The following RABEPK variants were observed in gnomAD, a reference collection of about 807,000 sequenced individuals.
RABEPK encodes Rab9 effector protein with kelch motifs.
In RABEPK, 27 loss-of-function variants were observed where a neutral mutation model predicts 34.1. The observed-to-expected ratio is 0.79, with a 90% CI of 0.58 to 1.09. RABEPK has a LOEUF of 1.09. Ranked by LOEUF, RABEPK falls within the 50% of genes least tolerant of loss-of-function variation. The pLI, the probability that RABEPK is intolerant of heterozygous loss-of-function variation, is 0.00. For synonymous variants in RABEPK, 172 were observed against 169.2 expected, an observed-to-expected ratio of 1.02 and a Z score of -0.13; for missense variants, 449 against 462.6, an observed-to-expected ratio of 0.97 and a Z score of 0.27.
chr9:125,212,889 C>T (rs1228389696), intron 3 of RABEPK, among the ~76,000 whole-genome samples: 1 of 149,730 alleles, frequency 6.7e-6, no homozygotes, highest in Non-Finnish European at 1.5e-5. Context: ...AGGATGGATT[C>T]GATCTCCTGA....
chr9:125,205,779 C>T (rs1258581585), intron 2 of RABEPK, among the ~76,000 whole-genome samples: 1 of 152,100 alleles, frequency 6.6e-6, no homozygotes, highest in African/African-American at 2.4e-5. Flanking sequence ...TGAGCCACTG[C>T]GCCCGGCCCT....
intron 5 of RABEPK, among the ~76,000 whole-genome samples, chr9:125,222,713 CAAAAAAAAAAAAA>C (rs756826019): frequency 2.1e-5 from 1 of 48,376 alleles, no homozygotes; most frequent in Non-Finnish European, 3.8e-5. Context: ...GACTCTGTAT[CAAAAAAAAAAAAA>C]AAAAAAAAAA....
intron 2 of RABEPK, among the ~76,000 whole-genome samples, chr9:125,206,234 G>A (rs1436612365): frequency 2.0e-5 from 3 of 152,144 alleles, no homozygotes; most frequent in Non-Finnish European, 2.9e-5. Flanking sequence ...AATGGGCTGG[G>A]CGTGGTGGGC....
chr9:125,200,640 C>G lies in RABEPK; in HGVS notation c.-273C>G, dbSNP rs1360103717. 1 of 469,560 alleles carries G rather than the reference C, an allele frequency of 2.1e-6. No homozygotes were observed. The highest frequency in any genetic ancestry group is 2.0e-5 in the African/African-American group (1 of 50,090). 29.1% of individuals were successfully genotyped at this position (469,560 alleles called of 1,614,324 possible). On this transcript the variant is annotated 5_prime_UTR_variant, in exon 1 of 8. Transcript: ENST00000373538. ...CCCCGGATACCGGGTCTATCACGGTCTCGGGCAGGGAGTCTGAATCTTTTA... is the reference window on the plus strand; with the variant it reads ...CCCCGGATACCGGGTCTATCACGGTGTCGGGCAGGGAGTCTGAATCTTTTA...
chr9:125,211,341 G>T (rs1420405543), intron 3 of RABEPK, among the ~76,000 whole-genome samples: 1 of 151,570 alleles, frequency 6.6e-6, no homozygotes, highest in Admixed American at 6.6e-5. Context: ...GTAGAGATGG[G>T]TTTTCACCAT....
chr9:125,210,007 G>A (rs1049360414), intron 3 of RABEPK, among the ~76,000 whole-genome samples: 1 of 152,098 alleles, frequency 6.6e-6, no homozygotes, highest in African/African-American at 2.4e-5. Context: ...GAAACAGATA[G>A]CATATTTTCC....
intron 6 of RABEPK, 137 bp downstream of exon 6, chr9:125,228,196 A>T: frequency 5.9e-6 from 4 of 679,616 alleles, no homozygotes; most frequent in Non-Finnish European, 8.5e-6. Flanking sequence ...CCAGGACTCA[A>T]GTAATCCTCC....
Position 125,224,272 on chromosome 9 carries a change from AAATGATT to A in RABEPK, c.526+3576_526+3582del, listed in dbSNP as rs1831575772. ...CCTTTAAGACTTTTCTGGTATATAG[AAATGATT>A]AATTTTCCAGAATTCTATATATGTA... On this transcript the variant is annotated intron_variant, in intron 5 of 7. Transcript: ENST00000373538. Among the ~76,000 whole-genome samples the A allele has an allele frequency of 2.0e-5, 3 of 152,006 alleles. No individual in the cohort carries two copies. The South Asian group carries it at 6.2e-4, about 31-fold the overall frequency.
At chr9:125,230,653 A>C (rs1367891645) in intron 6 of RABEPK, among the ~76,000 whole-genome samples, 1 of 150,284 alleles carries the variant, frequency 6.7e-6, no homozygotes, top group African/African-American at 2.5e-5. Flanking sequence ...CTCCTGCCTC[A>C]GCCTCCTGAG....
At chr9:125,214,197 G>C (rs13291252) in intron 4 of RABEPK, among the ~76,000 whole-genome samples, 1 of 151,972 alleles carries the variant, frequency 6.6e-6, no homozygotes, top group Non-Finnish European at 1.5e-5. Flanking sequence ...GCCAGGCTTA[G>C]AACCCAAGTC....
At chr9:125,231,772 GA>G (rs574317982) in intron 6 of RABEPK, among the ~76,000 whole-genome samples, 5 of 148,774 alleles carry the variant, frequency 3.4e-5, no homozygotes, top group South Asian at 2.1e-4. Flanking sequence ...CAACAGAGCG[GA>G]AAAAAAAAGA....
chr9:125,231,894 AT>A (rs555538576), intron 6 of RABEPK, among the ~76,000 whole-genome samples: 8,771 of 112,538 alleles, frequency 0.078, 176 homozygotes, highest in East Asian at 0.13. Flanking sequence ...AAGGAACTGT[AT>A]TTTTTTTTTT....
intron 2 of RABEPK, among the ~76,000 whole-genome samples, chr9:125,204,751 CTT>C (rs1035819359): frequency 6.6e-6 from 1 of 151,882 alleles, no homozygotes; most frequent in African/African-American, 2.4e-5. Flanking sequence ...ATGCTGGTCT[CTT>C]TGCCTGGACT....
intron 5 of RABEPK, among the ~76,000 whole-genome samples, chr9:125,225,513 A>G (rs1234766150): frequency 6.6e-6 from 1 of 151,718 alleles, no homozygotes; most frequent in Non-Finnish European, 1.5e-5. Context: ...GCAAAACCTC[A>G]GCTTTACTAC....
At chr9:125,219,144 T>A (rs958694607) in intron 4 of RABEPK, among the ~76,000 whole-genome samples, 8 of 151,848 alleles carry the variant, frequency 5.3e-5, no homozygotes, top group Non-Finnish European at 8.8e-5. Flanking sequence ...GGACTGTTAT[T>A]ACTGCTACTG....
chr9:125,230,693 G>A (rs1268039282), intron 6 of RABEPK, among the ~76,000 whole-genome samples: 7 of 151,630 alleles, frequency 4.6e-5, no homozygotes, highest in African/African-American at 1.5e-4. Flanking sequence ...CCACCACCAC[G>A]CCCGGCTAAT....
chr9:125,221,901 C>T (rs990191821), intron 5 of RABEPK: 2 of 151,992 alleles, frequency 1.3e-5, no homozygotes, highest in African/African-American at 4.8e-5. Context: ...GGTCTTGAAG[C>T]CTGACCTCAG....
Position 125,210,272 on chromosome 9 carries a change from G to A in RABEPK, c.211+2551G>A, listed in dbSNP as rs980330071. Among the ~76,000 whole-genome samples, 13 of 150,354 alleles carry A rather than the reference G, an allele frequency of 8.6e-5. No homozygotes were observed. The East Asian group carries it at 1.6e-3, about 18-fold the overall frequency. ...CAAAAAATTAGCCAGGCGTGGTGGCGGGCACCTATAGTCCCAGCTACTCGG... is the reference window on the plus strand; with the variant it reads ...CAAAAAATTAGCCAGGCGTGGTGGCAGGCACCTATAGTCCCAGCTACTCGG... On this transcript the variant is annotated intron_variant, in intron 3 of 7. Coordinates refer to ENST00000373538, the MANE Select transcript of RABEPK (RefSeq NM_005833.4).
intron 5 of RABEPK, among the ~76,000 whole-genome samples, chr9:125,224,824 A>T (rs745892529): frequency 6.6e-6 from 1 of 152,166 alleles, no homozygotes; most frequent in Non-Finnish European, 1.5e-5. Context: ...GAAAGGCCAC[A>T]TAGTTATATA....
Sources: allele counts gnomAD v4.1 joint callset (sites outside exome capture counted in the v4.1 genomes callset), GRCh38; gene constraint gnomAD v4.1.1; transcripts MANE v1.5; gene names NCBI Gene and HGNC (gene_info 2026-07-23, HGNC 2026-07-21).